The following CLMN variants were observed in gnomAD, a reference collection of about 807,000 sequenced individuals.
CLMN encodes the protein calmin (calponin-like, transmembrane).
A neutral mutation model predicts 92.7 loss-of-function variants in CLMN; 57 were observed. That is an observed-to-expected ratio of 0.61 (90% CI 0.50 to 0.77). The LOEUF is 0.77. CLMN is among the 30% of genes least tolerant of loss of function. CLMN has a pLI of 0.00. For synonymous variants in CLMN, 466 were observed against 470.6 expected (o/e 0.99, Z 0.13); for missense variants, 1,158 against 1,237.5 (o/e 0.94, Z 0.96).
intron 1 of CLMN, among the ~76,000 whole-genome samples, chr14:95,289,961 G>T (rs1900500460): frequency 6.6e-6 from 1 of 152,210 alleles, no homozygotes; most frequent in African/African-American, 2.4e-5. Flanking sequence ...TTAAAGACAT[G>T]CAAGAATCAA....
At chr14:95,225,658 C>G (rs1463308046) in intron 2 of CLMN, among the ~76,000 whole-genome samples, 2 of 152,232 alleles carry the variant, frequency 1.3e-5, no homozygotes, top group Non-Finnish European at 2.9e-5. Flanking sequence ...TTCTCTCTGC[C>G]CCACTCACTC....
At position 95,209,386 on chromosome 14, in the gene CLMN, C is replaced by G. The variant is rs1278213407; in HGVS notation, c.885+9G>C. 1.9e-6 allele frequency: 3 copies of G among 1,613,524 alleles called. No individual in the cohort carries two copies. Among genetic ancestry groups the G allele is most frequent in the Non-Finnish European group, 2.5e-6 (3 of 1,179,594 alleles). On this transcript the variant is annotated intron_variant, in intron 8 of 12. Coordinates refer to ENST00000298912, the MANE Select transcript of CLMN (RefSeq NM_024734.4). ...GTGTCGGAATTAAAGGTAAGAAAAG[C>G]AAACATACGGCTTCCAACTCCGGAA...
At chr14:95,217,408 T>C (rs1170948716) in intron 4 of CLMN, among the ~76,000 whole-genome samples, 2 of 152,202 alleles carry the variant, frequency 1.3e-5, no homozygotes, top group Non-Finnish European at 1.5e-5. Context: ...GGGAGAGTTC[T>C]GGGTTCCCAA....
intron 1 of CLMN, among the ~76,000 whole-genome samples, chr14:95,241,680 CG>C (rs1270369870): frequency 6.6e-6 from 1 of 152,188 alleles, no homozygotes; most frequent in African/African-American, 2.4e-5. Context: ...CCAGAGGCTG[CG>C]TAAGCTGGAG....
At chr14:95,268,375 T>TAA (rs35568472) in intron 1 of CLMN, among the ~76,000 whole-genome samples, 3 of 124,030 alleles carry the variant, frequency 2.4e-5, no homozygotes, top group Non-Finnish European at 3.5e-5. Flanking sequence ...TTATGCTATG[T>TAA]AAAAAAAAAA....
chr14:95,247,915 G>GGA (rs1402557275), intron 1 of CLMN, among the ~76,000 whole-genome samples: 1 of 151,910 alleles, frequency 6.6e-6, no homozygotes, highest in Non-Finnish European at 1.5e-5. Flanking sequence ...AGAGAGAGAA[G>GGA]GAGAGAGAGA....
intron 1 of CLMN, among the ~76,000 whole-genome samples, chr14:95,234,186 C>A (rs895222560): frequency 9.9e-5 from 15 of 152,242 alleles, no homozygotes; most frequent in African/African-American, 3.6e-4. Flanking sequence ...GCCATGCCTC[C>A]CTCACAGGAA....
At chr14:95,271,763 T>C (rs893291428) in intron 1 of CLMN, among the ~76,000 whole-genome samples, 10 of 152,250 alleles carry the variant, frequency 6.6e-5, no homozygotes, top group Non-Finnish European at 1.0e-4. Flanking sequence ...AGATCAAGAA[T>C]ACAGAACATT....
intron 12 of CLMN, 24 bp downstream of exon 12, chr14:95,193,825 A>G: frequency 6.2e-7 from 1 of 1,612,340 alleles, no homozygotes; most frequent in Non-Finnish European, 8.5e-7. Context: ...CTACCCCCAC[A>G]AAACCTGAAG....
At chr14:95,195,284 A>G (rs1896674464) in intron 10 of CLMN, among the ~76,000 whole-genome samples, 1 of 152,246 alleles carries the variant, frequency 6.6e-6, no homozygotes, top group Admixed American at 6.5e-5. Flanking sequence ...CTGCACTGAC[A>G]GCAGAGCCCA....
At chr14:95,232,302 A>G (rs1868798579) in intron 1 of CLMN, among the ~76,000 whole-genome samples, 1 of 152,248 alleles carries the variant, frequency 6.6e-6, no homozygotes, top group African/African-American at 2.4e-5. Context: ...ACTGGATTTC[A>G]ACATATTGAA....
rs201448932 is a variant in CLMN at position 95,204,339 on chromosome 14, G to T, written c.1010C>A (p.Thr337Asn). 2.3e-4 allele frequency: 364 copies of T among 1,614,026 alleles called. No homozygotes were observed. The highest frequency in any genetic ancestry group is 3.0e-4 in the Non-Finnish European group (352 of 1,180,032). The change falls in exon 9 of 13, where the codon ACT (threonine) becomes AAT (asparagine). Residue 337 changes from threonine (T) to asparagine (N), a missense_variant. Coordinates refer to ENST00000298912, the MANE Select transcript of CLMN (RefSeq NM_024734.4). ...TGGGTGGCTGGTTTCATGGTTAACA[G>T]TGTAGGTACGCTCCCCATTTTCAGT... ...VLTENGERTY[T>N]VNHETSHPPP...
At chr14:95,278,057 G>C (rs940302225) in intron 1 of CLMN, among the ~76,000 whole-genome samples, 1 of 152,146 alleles carries the variant, frequency 6.6e-6, no homozygotes, top group Non-Finnish European at 1.5e-5. Flanking sequence ...CTTCTGACTT[G>C]CCATCTTGAA....
Position 95,285,517 on chromosome 14 carries a change from G to A in CLMN, c.82+34194C>T, listed in dbSNP as rs150215680. ...CTGTCTGGGCCTCTGGAGAAGCAGT[G>A]CTGTCTTCTGTGCTGTTGACACACA... On this transcript the variant is annotated intron_variant, in intron 1 of 12. Transcript: ENST00000298912. Among the ~76,000 whole-genome samples the A allele has an allele frequency of 4.7e-3, 709 of 152,308 alleles. 4 individuals carry two copies. The highest frequency in any genetic ancestry group is 0.02 in the Middle Eastern group (6 of 294).
At chr14:95,306,934 T>C (rs1056144898) in intron 1 of CLMN, among the ~76,000 whole-genome samples, 2 of 152,282 alleles carry the variant, frequency 1.3e-5, no homozygotes, top group East Asian at 3.9e-4. Flanking sequence ...AAACAATACA[T>C]GCATGTTATT....
At chr14:95,310,157 C>T (rs1901469079) in intron 1 of CLMN, among the ~76,000 whole-genome samples, 1 of 152,172 alleles carries the variant, frequency 6.6e-6, no homozygotes, top group Non-Finnish European at 1.5e-5. Context: ...CTGAGGCCTC[C>T]CCAGAAGCAG....
chr14:95,315,879 G>T (rs74769628), intron 1 of CLMN, among the ~76,000 whole-genome samples: 7,090 of 152,346 alleles, frequency 0.047, 785 homozygotes, highest in East Asian at 0.45. Context: ...TCCAATGTCT[G>T]CAAGATGCTA....
intron 1 of CLMN, among the ~76,000 whole-genome samples, chr14:95,258,583 G>A (rs542924899): frequency 6.7e-6 from 1 of 150,030 alleles, no homozygotes; most frequent in African/African-American, 2.5e-5. Context: ...GTATGTGTAT[G>A]TGGTGTGTAT....
chr14:95,298,783 C>A (rs1900918394), intron 1 of CLMN, among the ~76,000 whole-genome samples: 1 of 152,154 alleles, frequency 6.6e-6, no homozygotes, highest in South Asian at 2.1e-4. Context: ...TTTAACCTAA[C>A]ATCCAGGGTA....
Sources: allele counts gnomAD v4.1 joint callset (sites outside exome capture counted in the v4.1 genomes callset), GRCh38; gene constraint gnomAD v4.1.1; transcripts MANE v1.5; gene names NCBI Gene and HGNC (gene_info 2026-07-23, HGNC 2026-07-21).